TLL2: variants seen among roughly 807,000 people sequenced by gnomAD.
TLL2 encodes the protein tolloid like 2.
TLL2 carries 106 observed loss-of-function variants against 123.0 expected under a neutral mutation model. The ratio of observed to expected loss-of-function variants is 0.86; its 90% CI spans 0.74 to 1.01. TLL2 has a LOEUF of 1.01. TLL2 is among the 50% of genes least tolerant of loss of function. The probability of loss-of-function intolerance (pLI) is 0.00; values close to 1 mark genes in which losing one functional copy is unlikely to be tolerated. For synonymous variants in TLL2, 494 were observed against 516.8 expected, an observed-to-expected ratio of 0.96 and a Z score of 0.60; for missense variants, 1,332 against 1,336.7, an observed-to-expected ratio of 1.00 and a Z score of 0.06.
At chr10:96,479,652 C>T (rs1012584500) in intron 2 of TLL2, among the ~76,000 whole-genome samples, 12 of 152,234 alleles carry the variant, frequency 7.9e-5, no homozygotes, top group African/African-American at 2.7e-4. Context: ...AAGTCATGCT[C>T]CTGTTCACCA....
At chr10:96,446,341 G>A (rs1263649456) in intron 2 of TLL2, among the ~76,000 whole-genome samples, 173 bp from the exon 3 acceptor site, 5 of 152,190 alleles carry the variant, frequency 3.3e-5, no homozygotes, top group African/African-American at 1.2e-4. Flanking sequence ...CACTATTCTA[G>A]ATGTGAGGGC....
rs1003476707 is a variant in TLL2 at position 96,480,475 on chromosome 10, A to G, written c.176-16T>C. 1.7e-5 allele frequency: 27 copies of G among 1,592,834 alleles called. No homozygotes were observed. The South Asian group carries it at 2.6e-4, about 16-fold the overall frequency. On this transcript the variant is annotated splice_polypyrimidine_tract_variant and intron_variant, in intron 1 of 20. Transcript: ENST00000357947. Reference sequence around the variant, plus strand: ...CAAAAGACAGCTGGGAAGGAAACACATAAGTGGGTGAATTTATGCTAGAAG... The same window carrying G: ...CAAAAGACAGCTGGGAAGGAAACACGTAAGTGGGTGAATTTATGCTAGAAG...
At chr10:96,441,040 G>T (rs1170872619) in intron 3 of TLL2, among the ~76,000 whole-genome samples, 1 of 152,066 alleles carries the variant, frequency 6.6e-6, no homozygotes, top group East Asian at 1.9e-4. Context: ...TAGGGTTGAG[G>T]GGGGATAAAG....
rs368566147 is a variant in TLL2, at chr10:96,397,325, G to C, written c.1268-23C>G. 153 of 1,596,266 alleles carry C rather than the reference G, an allele frequency of 9.6e-5. No homozygotes were observed. In the African/African-American group the frequency reaches 1.8e-3, roughly 19 times the overall value. Reference sequence around the variant, plus strand: ...TGCCTGGAAAGTGGAAAAAGAAGCAGTTAGGAGCCCTGGGGACAGCAAGAA... The same window carrying C: ...TGCCTGGAAAGTGGAAAAAGAAGCACTTAGGAGCCCTGGGGACAGCAAGAA... On this transcript the variant is annotated intron_variant, in intron 10 of 20. Coordinates refer to ENST00000357947, the MANE Select transcript of TLL2 (RefSeq NM_012465.4).
At chr10:96,477,834 A>C (rs2095402252) in intron 2 of TLL2, among the ~76,000 whole-genome samples, 1 of 152,124 alleles carries the variant, frequency 6.6e-6, no homozygotes, top group Non-Finnish European at 1.5e-5. Flanking sequence ...TGGATCTCTA[A>C]GGCCCTGGGA....
intron 15 of TLL2, among the ~76,000 whole-genome samples, chr10:96,385,585 G>A (rs1846226660): frequency 6.6e-6 from 1 of 152,146 alleles, no homozygotes; most frequent in African/African-American, 2.4e-5. Context: ...CCAGCCTAAG[G>A]TGCAGACGTA....
intron 2 of TLL2, among the ~76,000 whole-genome samples, chr10:96,446,821 T>C (rs1351164167): frequency 6.6e-6 from 1 of 152,212 alleles, no homozygotes; most frequent in Non-Finnish European, 1.5e-5. Flanking sequence ...ATGTGGCCAA[T>C]CACCAAATAT....
intron 1 of TLL2, among the ~76,000 whole-genome samples, chr10:96,495,922 G>C (rs1847470360): frequency 6.6e-6 from 1 of 152,168 alleles, no homozygotes; most frequent in East Asian, 1.9e-4. Context: ...GGATCAAACA[G>C]ATTTGGTGCA....
chr10:96,476,240 A>ATATATATTTT, intron 2 of TLL2, among the ~76,000 whole-genome samples: 6 of 20,500 alleles, frequency 2.9e-4, no homozygotes, highest in Non-Finnish European at 4.0e-4. Flanking sequence ...ATATATATAT[A>ATATATATTTT]TTTTATTTTT....
intron 2 of TLL2, among the ~76,000 whole-genome samples, chr10:96,471,938 G>C (rs1847188567): frequency 6.6e-6 from 1 of 152,122 alleles, no homozygotes; most frequent in Non-Finnish European, 1.5e-5. Context: ...CTACGAGAAG[G>C]TTCATAATGT....
intron 13 of TLL2, among the ~76,000 whole-genome samples, chr10:96,389,444 G>C (rs1238115911): frequency 1.3e-5 from 2 of 152,178 alleles, no homozygotes; most frequent in East Asian, 3.8e-4. Context: ...TGGGAGTGGA[G>C]CAGTGCAGGC....
At chr10:96,447,995 C>T (rs1232763588) in intron 2 of TLL2, among the ~76,000 whole-genome samples, 2 of 152,184 alleles carry the variant, frequency 1.3e-5, no homozygotes, top group Non-Finnish European at 2.9e-5. Flanking sequence ...AACCCAACCC[C>T]TAGGCCTGTA....
intron 14 of TLL2, among the ~76,000 whole-genome samples, chr10:96,386,565 T>C (rs1290746651): frequency 6.6e-6 from 1 of 152,242 alleles, no homozygotes; most frequent in Non-Finnish European, 1.5e-5. Flanking sequence ...AGCGGATTCA[T>C]GCACGTGGAC....
At chr10:96,497,220 G>T (rs1220660443) in intron 1 of TLL2, among the ~76,000 whole-genome samples, 2 of 152,122 alleles carry the variant, frequency 1.3e-5, no homozygotes, top group East Asian at 3.8e-4. Context: ...AACCTGTGAG[G>T]CAGAGGTTGC....
chr10:96,476,234 A>ATTTTTTTTTTTTTT (rs1232966569), intron 2 of TLL2, among the ~76,000 whole-genome samples: 2 of 21,522 alleles, frequency 9.3e-5, no homozygotes, highest in African/African-American at 3.6e-4. Flanking sequence ...ATATATATAT[A>ATTTTTTTTTTTTTT]TATATATTTT....
chr10:96,419,241 TA>T (rs148713575), intron 7 of TLL2, among the ~76,000 whole-genome samples: 1,765 of 152,266 alleles, frequency 0.012, 36 homozygotes, highest in African/African-American at 0.04. Flanking sequence ...AATGAGATCA[TA>T]ATCTGTCAAC....
intron 10 of TLL2, among the ~76,000 whole-genome samples, chr10:96,402,750 G>A (rs904637261): frequency 1.3e-5 from 2 of 152,096 alleles, no homozygotes; most frequent in African/African-American, 4.8e-5. Context: ...GGCAGCCTGG[G>A]ACCCCTCAGT....
intron 5 of TLL2, among the ~76,000 whole-genome samples, chr10:96,424,374 T>C (rs1846657578): frequency 6.6e-6 from 1 of 152,198 alleles, no homozygotes; most frequent in Non-Finnish European, 1.5e-5. Flanking sequence ...CCATTCTCCA[T>C]GATGTGATTA....
Position 96,397,256 on chromosome 10 carries a change from G to A in TLL2, c.1314C>T (p.Asp438=), listed in dbSNP as rs929416330. The A allele has an allele frequency of 6.2e-7, 1 of 1,613,900 alleles. No individual in the cohort carries two copies. The highest frequency in any genetic ancestry group is 8.5e-7 in the Non-Finnish European group (1 of 1,179,852). The change falls in exon 11 of 21, where the codon GAC becomes GAT. Residue 438 remains aspartate (D), a synonymous_variant. Coordinates refer to ENST00000357947, the MANE Select transcript of TLL2 (RefSeq NM_012465.4). Reference sequence around the variant, plus strand: ...TGCGGAACTCCACCCAGAGCCGGCTGTCCGTGGAGACGAGGGGCTCCGGGA... The same window carrying A: ...TGCGGAACTCCACCCAGAGCCGGCTATCCGTGGAGACGAGGGGCTCCGGGA... ...DKIPEPLVST[D]SRLWVEFRSS... is the part of the protein sequence containing the mutation.
Sources: allele counts gnomAD v4.1 joint callset (sites outside exome capture counted in the v4.1 genomes callset), GRCh38; gene constraint gnomAD v4.1.1; transcripts MANE v1.5; gene names NCBI Gene and HGNC (gene_info 2026-07-23, HGNC 2026-07-21).